Variants in CLK3 observed in about 807,000 individuals in gnomAD.
CLK3 encodes dual specificity protein kinase CLK3.
In CLK3, 24 loss-of-function variants were observed where a neutral mutation model predicts 65.2. That is an observed-to-expected ratio of 0.37 (90% CI 0.27 to 0.52). The LOEUF is 0.52. CLK3 is among the 20% of genes least tolerant of loss of function. The probability of loss-of-function intolerance (pLI) is 0.92; values close to 1 mark genes in which losing one functional copy is unlikely to be tolerated. For synonymous variants in CLK3, 252 were observed against 240.8 expected (o/e 1.05, Z -0.43); for missense variants, 506 against 660.0 (o/e 0.77, Z 2.56).
chr15:74,626,064 A>T, intron 7 of CLK3, 96 bp downstream of exon 7: 1 of 1,379,268 alleles, frequency 7.3e-7, no homozygotes, highest in South Asian at 1.3e-5. Flanking sequence ...GCACGTTACT[A>T]ACCATTCTCC....
chr15:74,622,220 C>CA lies in CLK3; in HGVS notation c.466+5dup. 6.2e-7 allele frequency: 1 copy of CA among 1,610,268 alleles called. No homozygotes were observed. Among genetic ancestry groups the CA allele is most frequent in the Non-Finnish European group, 8.5e-7 (1 of 1,176,646 alleles). ...GGCGATTGGCTCCAAGAGCGATGTA[C>CA]AGCCACCTTTCGTAAAACTTTACCT... On this transcript the variant is annotated splice_donor_region_variant and intron_variant, in intron 4 of 12. Coordinates refer to ENST00000395066, the MANE Select transcript of CLK3 (RefSeq NM_001130028.2). This position sits in a 1 kb window ranked among gnomAD's most constrained non-coding sequence, Gnocchi z 4.6.
rs1596292907 is a variant in CLK3, at chr15:74,629,493, GA to G, written c.1297-213del. ...GGGGGCAGAGGCATCAACCCAGCAAGACACCTAGTAGCCTGGCAAGTTCCGA... is the reference window on the plus strand; with the variant it reads ...GGGGGCAGAGGCATCAACCCAGCAAGCACCTAGTAGCCTGGCAAGTTCCGA... On this transcript the variant is annotated intron_variant, in intron 12 of 12. Coordinates refer to ENST00000395066, the MANE Select transcript of CLK3 (RefSeq NM_001130028.2). 5 of 586,788 alleles carry G rather than the reference GA, an allele frequency of 8.5e-6. No homozygotes were observed. The East Asian group carries it at 1.4e-4, about 17-fold the overall frequency. 36.3% of individuals were successfully genotyped at this position (586,788 alleles called of 1,614,324 possible).
At chr15:74,615,341 C>A, upstream of CLK3, 1 of 1,022,138 alleles carries the variant, frequency 9.8e-7, no homozygotes, top group Non-Finnish European at 1.3e-6. Context: ...CCGCACACAC[C>A]AAGATAATAA....
upstream of CLK3, chr15:74,615,380 GAGTCGCGTCCGCCTTCCCGAGCTCCGGC>G (rs1187771036): frequency 5.0e-6 from 6 of 1,197,484 alleles, no homozygotes; most frequent in African/African-American, 7.9e-5. Context: ...CGCGCAAGCG[GAGTCGCGTCCGCCTTCCCGAGCTCCGGC>G]ACACAGACCT....
upstream of CLK3, chr15:74,615,113 G>T: frequency 3.4e-6 from 1 of 292,672 alleles, no homozygotes. Context: ...CTGTCCAGTG[G>T]CCCAGAGACG....
intron 1 of CLK3, 168 bp downstream of exon 1, chr15:74,616,066 C>T: frequency 1.9e-6 from 1 of 514,600 alleles, no homozygotes; most frequent in East Asian, 3.5e-5. Context: ...GCTTCTGCCC[C>T]GGAGGGCGGT....
In CLK3 at chr15:74,629,750, A is replaced by G. The variant is rs1567146414; in HGVS notation, c.1340A>G (p.Asp447Gly). ...QDSLEHVQLFDLMRRMLEFDP... is the reference protein window; with the variant it reads ...QDSLEHVQLFGLMRRMLEFDP... ...TCCCTGGAGCACGTGCAGCTGTTTG[A>G]CCTGATGAGGAGGATGTTAGAATTT... The change falls in exon 13 of 13, where the codon GAC becomes GGC. Residue 447 changes from aspartate (D) to glycine (G), a missense_variant. Transcript: ENST00000395066. 1.2e-6 allele frequency: 2 copies of G among 1,613,402 alleles called. No individual in the cohort carries two copies. Among genetic ancestry groups the G allele is most frequent in the Non-Finnish European group, 1.7e-6 (2 of 1,179,696 alleles).
Position 74,629,820 on chromosome 15 carries a change from C to A in CLK3, c.1410C>A (p.Pro470=). 1 of 1,612,766 alleles carries A rather than the reference C, an allele frequency of 6.2e-7. No individual in the cohort carries two copies. The highest frequency in any genetic ancestry group is 8.5e-7 in the Non-Finnish European group (1 of 1,179,424). Residue 470 remains proline (P), a synonymous_variant, in exon 13 of 13, where the codon CCC becomes CCA. Transcript: ENST00000395066. ...CACTGGCCGAGGCCCTGCTGCACCC[C>A]TTCTTTGCTGGCCTGACCCCTGAGG... ...RITLAEALLH[P]FFAGLTPEER...
In CLK3 at chr15:74,619,319, G is replaced by A; in HGVS notation, c.123G>A (p.Glu41=). The change falls in exon 2 of 13, where the codon GAG becomes GAA. Residue 41 remains glutamate, a synonymous_variant. Coordinates refer to ENST00000395066, the MANE Select transcript of CLK3 (RefSeq NM_001130028.2). Reference sequence around the variant, plus strand: ...GACTGCGATACCCGTCCCGAAGGGAGCCTCCCCCACGAAGATCTCGGTCCA... The same window carrying A: ...GACTGCGATACCCGTCCCGAAGGGAACCTCCCCCACGAAGATCTCGGTCCA... ...EGRLRYPSRR[E]PPPRRSRSRS... is the part of the protein sequence containing the mutation. The A allele has an allele frequency of 6.2e-7, 1 of 1,614,124 alleles. No homozygotes were observed. The highest frequency in any genetic ancestry group is 1.1e-5 in the South Asian group (1 of 91,084).
At chr15:74,628,230 G>T (rs1180454021) in intron 10 of CLK3, among the ~76,000 whole-genome samples, 178 bp downstream of exon 10, 1 of 152,208 alleles carries the variant, frequency 6.6e-6, no homozygotes, top group Non-Finnish European at 1.5e-5. Flanking sequence ...GCAGAGGTCA[G>T]GGTAGCTGGA....
chr15:74,622,213 C>T lies in CLK3; in HGVS notation c.463C>T (p.Arg155Ter), dbSNP rs2062109195. ...CCGGATCGGCGATTGGCTCCAAGAGCGATGTACAGCCACCTTTCGTAAAAC... is the reference window on the plus strand; with the variant it reads ...CCGGATCGGCGATTGGCTCCAAGAGTGATGTACAGCCACCTTTCGTAAAAC... Reference protein sequence around the residue: ...VCRIGDWLQERYEIVGNLGEG... With the variant: ...VCRIGDWLQE The change falls in exon 4 of 13, where the codon CGA becomes TGA. Residue 155 changes from arginine (R) to a stop codon, truncating the protein, a stop_gained. Coordinates refer to ENST00000395066, the MANE Select transcript of CLK3 (RefSeq NM_001130028.2). LOFTEE classifies it high-confidence loss of function. This position sits in a 1 kb window ranked among gnomAD's most constrained non-coding sequence, Gnocchi z 4.6. 1.2e-6 allele frequency: 2 copies of T among 1,611,732 alleles called. No homozygotes were observed. Among genetic ancestry groups the T allele is most frequent in the Non-Finnish European group, 1.7e-6 (2 of 1,178,046 alleles).
Position 74,621,859 on chromosome 15 carries a change from C to A in CLK3, c.370-261C>A. The A allele has an allele frequency of 2.1e-6, 1 of 474,228 alleles. No homozygotes were observed. Among genetic ancestry groups the A allele is most frequent in the Non-Finnish European group, 4.0e-6 (1 of 248,064 alleles). The allele number at this position is 474,228 out of a possible 1,614,324, so 29.4% of individuals were successfully genotyped here. ...TGGCGCTCCTCTTAAAGATAATGTC[C>A]GAGTTTTCTTTACATACCTGTAGCT... On this transcript the variant is annotated intron_variant, in intron 3 of 12. Transcript: ENST00000395066. The surrounding 1 kb of genome is among the most constrained non-coding windows in gnomAD (Gnocchi z 4.8).
chr15:74,615,247 G>A (rs2062042493), upstream of CLK3: 1 of 427,918 alleles, frequency 2.3e-6, no homozygotes, highest in Non-Finnish European at 3.9e-6. Context: ...CTCCGGCCCC[G>A]CCAGAGTAGC....
chr15:74,612,278 G>A (rs1333544663), upstream of CLK3, among the ~76,000 whole-genome samples: 1 of 152,218 alleles, frequency 6.6e-6, no homozygotes, highest in Admixed American at 6.5e-5. Context: ...GGGGGTCAGA[G>A]CCCTTAAGTC....
chr15:74,616,692 G>A (rs553283713), intron 1 of CLK3, among the ~76,000 whole-genome samples: 83 of 152,318 alleles, frequency 5.4e-4, no homozygotes, highest in South Asian at 4.4e-3. Context: ...GGAGGCTTGC[G>A]AGGTGGCAGG....
chr15:74,628,239 G>C (rs1250552047), intron 10 of CLK3, among the ~76,000 whole-genome samples, 187 bp downstream of exon 10: 1 of 152,188 alleles, frequency 6.6e-6, no homozygotes, highest in African/African-American at 2.4e-5. Context: ...AGGGTAGCTG[G>C]AACACTCAGA....
chr15:74,625,009 A>G lies in CLK3; in HGVS notation c.641A>G (p.Glu214Gly), dbSNP rs764060922. The change falls in exon 6 of 13, where the codon GAA (glutamate) becomes GGA (glycine). Residue 214 changes from glutamate to glycine, a missense_variant. Around this residue, in one of 2 missense-constraint regions of CLK3, gnomAD observed 325 missense variants for 500.5 expected, o/e 0.65. Transcript: ENST00000395066. ...VLKKIKEKDKENKFLCVLMSD... is the reference protein window; with the variant it reads ...VLKKIKEKDKGNKFLCVLMSD... ...AAAAAAATCAAGGAGAAGGACAAAG[A>G]AAACAAGTTGTGAGTATCTGCAAGG... 1 of 1,613,138 alleles carries G rather than the reference A, an allele frequency of 6.2e-7. No individual in the cohort carries two copies. The highest frequency in any genetic ancestry group is 1.1e-5 in the South Asian group (1 of 91,050).
chr15:74,615,777 G>C, upstream of CLK3: 2 of 1,243,344 alleles, frequency 1.6e-6, no homozygotes, highest in Non-Finnish European at 2.0e-6. Flanking sequence ...GTCGAGCCGA[G>C]GCTGGCGACG....
chr15:74,615,370 C>A (rs2062044178), upstream of CLK3: 1 of 1,166,674 alleles, frequency 8.6e-7, no homozygotes, highest in Non-Finnish European at 1.1e-6. Flanking sequence ...TCGCTCGTTT[C>A]GCGCAAGCGG....
Sources: allele counts gnomAD v4.1 joint callset (sites outside exome capture counted in the v4.1 genomes callset), GRCh38; gene constraint gnomAD v4.1.1; regional missense constraint gnomAD v4.1.1; non-coding constraint Gnocchi (gnomAD v3.1); transcripts MANE v1.5; gene names NCBI Gene and HGNC (gene_info 2026-07-23, HGNC 2026-07-21).